Variants in RANBP2 observed in about 807,000 individuals in gnomAD.
RANBP2 encodes E3 SUMO-protein ligase RanBP2.
Under a neutral mutation model 303.6 loss-of-function variants are expected in RANBP2, and 57 were observed. The ratio of observed to expected loss-of-function variants is 0.19; its 90% CI spans 0.15 to 0.23. The LOEUF (loss-of-function observed/expected upper bound fraction) is 0.23. RANBP2 is among the 10% of genes least tolerant of loss of function. The pLI, the probability that RANBP2 is intolerant of heterozygous loss-of-function variation, is 1.00. For missense variants in RANBP2, 3,138 were observed against 3,780.8 expected (o/e 0.83, Z 4.46); for synonymous variants, 1,167 against 1,301.5 (o/e 0.90, Z 2.23).
the RANBP2 span, among the ~76,000 whole-genome samples, chr2:109,400,877 T>C: frequency 9.2e-5 from 14 of 152,340 alleles, no homozygotes; most frequent in South Asian, 6.2e-4. Context: ...AGAACAGCCA[T>C]TGGGGCTGCT....
the RANBP2 span, among the ~76,000 whole-genome samples, chr2:109,333,672 C>T: frequency 1.3e-5 from 2 of 152,152 alleles, no homozygotes; most frequent in Admixed American, 6.5e-5. Context: ...GTTTGCTGAC[C>T]GCTGGCATAG....
chr2:108,867,986 T>C, the RANBP2 span, among the ~76,000 whole-genome samples: 1 of 152,216 alleles, frequency 6.6e-6, no homozygotes, highest in African/African-American at 2.4e-5. Context: ...ATAGCTCTTA[T>C]CTGAGGAACT....
At chr2:109,402,249 C>T in the RANBP2 span, among the ~76,000 whole-genome samples, 1 of 152,248 alleles carries the variant, frequency 6.6e-6, no homozygotes, top group Non-Finnish European at 1.5e-5. Context: ...AGTGCCTGGC[C>T]TGAGGACTGG....
the RANBP2 span, among the ~76,000 whole-genome samples, chr2:109,698,444 C>T: frequency 4.7e-5 from 7 of 148,414 alleles, no homozygotes; most frequent in East Asian, 4.1e-4. Context: ...CCAGCCTGGA[C>T]GACAGAGTGA....
At chr2:109,378,400 C>G in the RANBP2 span, among the ~76,000 whole-genome samples, 1 of 152,338 alleles carries the variant, frequency 6.6e-6, no homozygotes, top group Admixed American at 6.5e-5. Context: ...TGACTTTATG[C>G]ACCCCCACCT....
At chr2:108,819,503 C>T in the RANBP2 span, among the ~76,000 whole-genome samples, 6 of 152,122 alleles carry the variant, frequency 3.9e-5, no homozygotes, top group Non-Finnish European at 5.9e-5. Flanking sequence ...GTAAGAGCTG[C>T]GGAGATCTGC....
chr2:109,466,556 G>C, the RANBP2 span, among the ~76,000 whole-genome samples: 1 of 152,120 alleles, frequency 6.6e-6, no homozygotes, highest in Non-Finnish European at 1.5e-5. Flanking sequence ...GACAGTATCT[G>C]TTTCAGAGCA....
At chr2:108,948,096 T>G in the RANBP2 span, among the ~76,000 whole-genome samples, 6 of 152,232 alleles carry the variant, frequency 3.9e-5, no homozygotes, top group African/African-American at 1.2e-4. Context: ...CCAGATGCCC[T>G]AAATCATCTC....
At chr2:108,973,509 A>C in the RANBP2 span, among the ~76,000 whole-genome samples, 1 of 152,064 alleles carries the variant, frequency 6.6e-6, no homozygotes, top group Non-Finnish European at 1.5e-5. Flanking sequence ...AAGGGCCTGA[A>C]CCCTGGCAGA....
At chr2:109,298,552 C>G in the RANBP2 span, among the ~76,000 whole-genome samples, 1 of 152,098 alleles carries the variant, frequency 6.6e-6, no homozygotes, top group Non-Finnish European at 1.5e-5. Context: ...CTTTGGCCAA[C>G]TGTTGTCTGC....
chr2:109,129,531 C>T, the RANBP2 span: 5 of 1,496,838 alleles, frequency 3.3e-6, no homozygotes, highest in Non-Finnish European at 4.4e-6. Context: ...CCGCTGCGGG[C>T]GCCTCCCCCA....
At chr2:109,052,214 G>T in the RANBP2 span, among the ~76,000 whole-genome samples, 2 of 152,226 alleles carry the variant, frequency 1.3e-5, no homozygotes, top group Non-Finnish European at 2.9e-5. Flanking sequence ...GTTTTGAACA[G>T]TCATCTCTAG....
chr2:109,406,582 G>T, the RANBP2 span, among the ~76,000 whole-genome samples: 1 of 152,074 alleles, frequency 6.6e-6, no homozygotes, highest in Non-Finnish European at 1.5e-5. Flanking sequence ...TACTTGTTTT[G>T]GTAAATGAAA....
At position 108,737,366 on chromosome 2, in the gene RANBP2, G is replaced by A. The variant is rs577456456; in HGVS notation, c.782+1117G>A. On this transcript the variant is annotated intron_variant, in intron 6 of 28. Transcript: ENST00000283195. ...TTTTTTTTTGTTTTTTTGAGATGGA[G>A]TCTTGCTGTGTCACCAGGCTGGAGT... Among the ~76,000 whole-genome samples, 92 of 127,976 alleles carry A rather than the reference G, an allele frequency of 7.2e-4. 1 individual carries two copies. The highest frequency in any genetic ancestry group is 2.9e-3 in the African/African-American group (85 of 29,674). 84.0% of individuals were successfully genotyped at this position (127,976 alleles called of 152,430 possible). A position where few individuals can be genotyped will look rare whatever the true frequency, so the allele number is the denominator to read the frequency against.
At chr2:108,915,942 G>A in the RANBP2 span, among the ~76,000 whole-genome samples, 10 of 152,062 alleles carry the variant, frequency 6.6e-5, no homozygotes, top group African/African-American at 2.4e-4. Flanking sequence ...AGAGCTGGTG[G>A]AGAAGTGCGT....
the RANBP2 span, among the ~76,000 whole-genome samples, chr2:109,468,577 G>T: frequency 2.0e-5 from 3 of 152,098 alleles, no homozygotes; most frequent in Non-Finnish European, 4.4e-5. Context: ...AGTTAGGCCC[G>T]GTGTGGTAGC....
chr2:109,115,627 T>A, the RANBP2 span, among the ~76,000 whole-genome samples: 1 of 152,272 alleles, frequency 6.6e-6, no homozygotes, highest in African/African-American at 2.4e-5. Context: ...TTAGTCCATT[T>A]ACATTTAAAG....
At chr2:109,066,455 C>T in the RANBP2 span, among the ~76,000 whole-genome samples, 1 of 152,170 alleles carries the variant, frequency 6.6e-6, no homozygotes, top group Non-Finnish European at 1.5e-5. Flanking sequence ...CACCTCGCCA[C>T]GCAAACAGCG....
chr2:109,610,963 GACTTAC>G, the RANBP2 span, among the ~76,000 whole-genome samples: 1 of 152,286 alleles, frequency 6.6e-6, no homozygotes, highest in African/African-American at 2.4e-5. Context: ...CCTTATTTCA[GACTTAC>G]ACAGCTACAG....
Sources: allele counts gnomAD v4.1 joint callset (sites outside exome capture counted in the v4.1 genomes callset), GRCh38; gene constraint gnomAD v4.1.1; transcripts MANE v1.5; gene names NCBI Gene and HGNC (gene_info 2026-07-23, HGNC 2026-07-21).